Variants in GRIK2 observed in about 807,000 individuals in gnomAD.
The protein encoded by GRIK2 is glutamate ionotropic receptor kainate type subunit 2, also known as glutamate receptor ionotropic, kainate 2.
GRIK2 carries 32 observed loss-of-function variants against 100.3 expected under a neutral mutation model. That is an observed-to-expected ratio of 0.32 (90% CI 0.24 to 0.43). GRIK2 has a LOEUF of 0.43. GRIK2 is among the 20% of genes least tolerant of loss of function. GRIK2 has a pLI of 1.00. For synonymous variants in GRIK2, 417 were observed against 389.4 expected, an observed-to-expected ratio of 1.07 and a Z score of -0.83; for missense variants, 843 against 1,114.9, an observed-to-expected ratio of 0.76 and a Z score of 3.47.
chr6:102,065,232 T>C (rs1032641585), intron 16 of GRIK2, among the ~76,000 whole-genome samples: 4 of 151,274 alleles, frequency 2.6e-5, no homozygotes, highest in Admixed American at 6.6e-5. Flanking sequence ...GTTGTAAAAT[T>C]TGTAAATATA....
intron 2 of GRIK2, among the ~76,000 whole-genome samples, chr6:101,419,328 T>C (rs1776303080): frequency 6.6e-6 from 1 of 152,160 alleles, no homozygotes; most frequent in Non-Finnish European, 1.5e-5. Context: ...AGTAGCTTCA[T>C]TCAATAATTA....
At chr6:101,397,076 T>C (rs757763806) in intron 1 of GRIK2, among the ~76,000 whole-genome samples, 1 of 152,216 alleles carries the variant, frequency 6.6e-6, no homozygotes, top group Non-Finnish European at 1.5e-5. Context: ...TAAAATGTCA[T>C]TATATTAATG....
intron 4 of GRIK2, among the ~76,000 whole-genome samples, chr6:101,666,140 GA>G (rs1407260773): frequency 6.6e-6 from 1 of 152,176 alleles, no homozygotes; most frequent in Non-Finnish European, 1.5e-5. Flanking sequence ...ATGAGTCACA[GA>G]GTGGACTGAA....
intron 2 of GRIK2, among the ~76,000 whole-genome samples, chr6:101,431,965 A>G (rs1298782445): frequency 6.6e-6 from 1 of 152,154 alleles, no homozygotes; most frequent in Non-Finnish European, 1.5e-5. Flanking sequence ...CCTCATTAGA[A>G]AGCGGACTCT....
chr6:101,499,865 T>C (rs968820641), intron 2 of GRIK2, among the ~76,000 whole-genome samples: 1 of 152,166 alleles, frequency 6.6e-6, no homozygotes, highest in African/African-American at 2.4e-5. Context: ...TTCCAGTGAA[T>C]ATTTGTTTAC....
chr6:101,850,046 C>T (rs1235756397), intron 10 of GRIK2, among the ~76,000 whole-genome samples: 1 of 151,976 alleles, frequency 6.6e-6, no homozygotes, highest in African/African-American at 2.4e-5. Context: ...TTGTGGGCTA[C>T]AGCATCCTGT....
chr6:101,917,345 G>A (rs1367999399), intron 12 of GRIK2, among the ~76,000 whole-genome samples: 1 of 151,638 alleles, frequency 6.6e-6, no homozygotes, highest in Non-Finnish European at 1.5e-5. Context: ...GCTCACTTGT[G>A]TTGGCACCAA....
At chr6:101,720,497 A>G (rs7770500) in intron 7 of GRIK2, among the ~76,000 whole-genome samples, 23,752 of 151,970 alleles carry the variant, frequency 0.16, 2,472 homozygotes, top group East Asian at 0.3. Flanking sequence ...GTGTAAGTGT[A>G]GTATTGTCTA....
At chr6:102,044,544 T>A (rs1582778702) in intron 15 of GRIK2, among the ~76,000 whole-genome samples, 2 of 151,922 alleles carry the variant, frequency 1.3e-5, no homozygotes, top group South Asian at 4.1e-4. Flanking sequence ...AAGCAGAAAC[T>A]CTTGATGAAA....
chr6:101,952,719 C>G (rs979159848), intron 14 of GRIK2, among the ~76,000 whole-genome samples: 1 of 151,990 alleles, frequency 6.6e-6, no homozygotes, highest in African/African-American at 2.4e-5. Flanking sequence ...TCTCCTGCCT[C>G]AGCATCCTGA....
chr6:101,439,540 G>A (rs1769929265), intron 2 of GRIK2, among the ~76,000 whole-genome samples: 1 of 152,008 alleles, frequency 6.6e-6, no homozygotes, highest in Non-Finnish European at 1.5e-5. Context: ...CAAAATTAGG[G>A]ACTTAAAGCC....
chr6:101,806,331 G>A (rs1781003601), intron 9 of GRIK2, among the ~76,000 whole-genome samples: 1 of 152,010 alleles, frequency 6.6e-6, no homozygotes, highest in Non-Finnish European at 1.5e-5. Flanking sequence ...TTCAAAATAT[G>A]TTTAGAATCC....
rs1176426011 is a variant in GRIK2 at position 101,542,243 on chromosome 6, G to GA, written c.116-79697dup. 2.8e-4 allele frequency among the ~76,000 whole-genome samples: 42 copies of GA among 148,782 alleles called. 1 individual carries two copies. Among genetic ancestry groups the GA allele is most frequent in the Admixed American group, 1.8e-3 (27 of 14,946 alleles). On this transcript the variant is annotated intron_variant, in intron 2 of 16. Coordinates refer to ENST00000369134, the MANE Select transcript of GRIK2 (RefSeq NM_021956.5). ...GAGAGATTTTTCTTGTAAATTCAAAGAAAAAAAAAGAACCATAAGAGAATT... is the reference window on the plus strand; with the variant it reads ...GAGAGATTTTTCTTGTAAATTCAAAGAAAAAAAAAAGAACCATAAGAGAATT...
intron 15 of GRIK2, among the ~76,000 whole-genome samples, chr6:102,040,109 C>T (rs955462682): frequency 2.0e-5 from 3 of 151,020 alleles, no homozygotes; most frequent in African/African-American, 7.3e-5. Flanking sequence ...GAACAAAACC[C>T]AAAATGAATT....
intron 2 of GRIK2, among the ~76,000 whole-genome samples, chr6:101,525,404 TATG>T (rs992194559): frequency 2.0e-5 from 3 of 152,130 alleles, no homozygotes; most frequent in African/African-American, 7.2e-5. Context: ...TTCTGATGAT[TATG>T]GTGGTGTGTG....
rs369978641 is a variant in GRIK2, at chr6:101,778,853, G to C, written c.952-20795G>C. ...TACAAAGGAAATGTATAATGTGATA[G>C]GAATCAGAAACAGAAATAACATATG... On this transcript the variant is annotated intron_variant, in intron 7 of 16. Transcript: ENST00000369134. Among the ~76,000 whole-genome samples, 11 of 152,154 alleles carry C rather than the reference G, an allele frequency of 7.2e-5. No individual in the cohort carries two copies. The East Asian group carries it at 9.7e-4, about 13-fold the overall frequency.
At chr6:102,033,400 G>A (rs1376576204) in intron 14 of GRIK2, among the ~76,000 whole-genome samples, 1 of 151,348 alleles carries the variant, frequency 6.6e-6, no homozygotes, top group Non-Finnish European at 1.5e-5. Context: ...CCTCTCCAGA[G>A]AATAAAACCT....
At chr6:101,577,090 A>G (rs1358614991) in intron 2 of GRIK2, among the ~76,000 whole-genome samples, 1 of 152,058 alleles carries the variant, frequency 6.6e-6, no homozygotes, top group Non-Finnish European at 1.5e-5. Context: ...ATTAGATATC[A>G]AGTAATAGAC....
chr6:101,641,703 A>T, intron 4 of GRIK2, among the ~76,000 whole-genome samples: 1 of 152,088 alleles, frequency 6.6e-6, no homozygotes, highest in Non-Finnish European at 1.5e-5. Flanking sequence ...TAAGAAGACA[A>T]ATCTAAAGGG....
Sources: allele counts gnomAD v4.1 joint callset (sites outside exome capture counted in the v4.1 genomes callset), GRCh38; gene constraint gnomAD v4.1.1; transcripts MANE v1.5; gene names NCBI Gene and HGNC (gene_info 2026-07-23, HGNC 2026-07-21).